The following CFAP69 variants were observed in gnomAD, a reference collection of about 807,000 sequenced individuals.
CFAP69 encodes the protein cilia- and flagella-associated protein 69.
CFAP69 carries 92 observed loss-of-function variants against 123.0 expected under a neutral mutation model. That is an observed-to-expected ratio of 0.75 (90% CI 0.63 to 0.89). The LOEUF (loss-of-function observed/expected upper bound fraction) is 0.89, where lower values mean the gene tolerates loss of function less well. Among genes scored for constraint, CFAP69 ranks in the 40% least tolerant of loss-of-function variants. CFAP69 has a pLI of 0.00. For missense variants in CFAP69, 1,067 were observed against 1,096.9 expected (o/e 0.97, Z 0.39); for synonymous variants, 380 against 364.3 (o/e 1.04, Z -0.49).
At chr7:90,290,188 A>T (rs1383085520) in intron 15 of CFAP69, among the ~76,000 whole-genome samples, 4 of 152,186 alleles carry the variant, frequency 2.6e-5, no homozygotes, top group African/African-American at 9.7e-5. Flanking sequence ...TATCATAAGG[A>T]ATTGGCTCAC....
chr7:90,315,264 A>G (rs1562939238), downstream of CFAP69, among the ~76,000 whole-genome samples: 1 of 152,190 alleles, frequency 6.6e-6, no homozygotes, highest in Non-Finnish European at 1.5e-5. Flanking sequence ...GTATATGCTC[A>G]GGGGAATATA....
intron 17 of CFAP69, chr7:90,303,447 G>A: frequency 1.9e-6 from 1 of 525,812 alleles, no homozygotes; most frequent in Non-Finnish European, 2.4e-6. Context: ...CTGTGGGTTT[G>A]TCATAGATGG....
intron 12 of CFAP69, 107 bp from the exon 13 acceptor site, chr7:90,282,785 G>T (rs1448494456): frequency 2.2e-6 from 2 of 929,362 alleles, no homozygotes; most frequent in Non-Finnish European, 2.9e-6. Flanking sequence ...AAGCAAATAT[G>T]ACAAAATTTT....
Position 90,287,781 on chromosome 7 carries a change from A to G in CFAP69, c.1657-453A>G, listed in dbSNP as rs182167119. 34 of 969,316 alleles carry G rather than the reference A, an allele frequency of 3.5e-5. No homozygotes were observed. In the African/African-American group the frequency reaches 4.7e-4, roughly 14 times the overall value. 60.0% of individuals were successfully genotyped at this position (969,316 alleles called of 1,614,324 possible). ...AGTAAGAGAAAAATATTAAGTGGTT[A>G]AAACTTCACAAAAATTATTAAATGT... On this transcript the variant is annotated intron_variant, in intron 14 of 22. Transcript: ENST00000389297.
At chr7:90,318,393 G>A in the CFAP69 span, 4 of 152,090 alleles carry the variant, frequency 2.6e-5, no homozygotes, top group South Asian at 8.3e-4. Flanking sequence ...ATAAAAATGA[G>A]AACATAAAAA....
intron 3 of CFAP69, among the ~76,000 whole-genome samples, chr7:90,259,268 G>T (rs1406691709): frequency 2.6e-5 from 4 of 152,050 alleles, no homozygotes; most frequent in African/African-American, 9.7e-5. Flanking sequence ...AAATAGCCAG[G>T]TGTGGTGGTG....
At chr7:90,268,147 C>A in intron 5 of CFAP69, 139 bp from the exon 6 acceptor site, 2 of 577,128 alleles carry the variant, frequency 3.5e-6, no homozygotes, top group Non-Finnish European at 6.0e-6. Context: ...TAAAAATATG[C>A]ATATAAATTG....
Position 90,310,813 on chromosome 7 carries a change from C to CCAGGG in CFAP69, c.*578_*579insGGCAG. The CCAGGG allele has an allele frequency of 6.6e-6, 1 of 152,166 alleles. No homozygotes were observed. The highest frequency in any genetic ancestry group is 2.1e-4 in the South Asian group (1 of 4,802). The allele number at this position is 152,166 out of a possible 1,614,324, so 9.4% of individuals were successfully genotyped here. A position where few individuals can be genotyped will look rare whatever the true frequency, so the allele number is the denominator to read the frequency against. On this transcript the variant is annotated 3_prime_UTR_variant, in exon 23 of 23. Transcript: ENST00000389297. ...GGCTGAGTACTGCCTATTCCTGGAGCCAGAAGCAGGGCAACTCCATCCAAA... is the reference window on the plus strand; with the variant it reads ...GGCTGAGTACTGCCTATTCCTGGAGCCAGGGCAGAAGCAGGGCAACTCCATCCAAA...
intron 4 of CFAP69, 68 bp from the exon 5 acceptor site, chr7:90,265,233 T>G: frequency 1.0e-6 from 1 of 965,940 alleles, no homozygotes; most frequent in Non-Finnish European, 1.6e-6. Flanking sequence ...TCTCCCCCAC[T>G]TACAAATGAT....
Position 90,288,142 on chromosome 7 carries a change from T to TA in CFAP69, c.1657-86dup, listed in dbSNP as rs1443808519. The TA allele has an allele frequency of 1.0e-5, 10 of 962,126 alleles. No individual in the cohort carries two copies. In the Admixed American group the frequency reaches 1.3e-4, roughly 13 times the overall value. 59.6% of individuals were successfully genotyped at this position (962,126 alleles called of 1,614,324 possible). A position where few individuals can be genotyped will look rare whatever the true frequency, so the allele number is the denominator to read the frequency against. On this transcript the variant is annotated intron_variant, in intron 14 of 22. Transcript: ENST00000389297. ...TAACAATGTTGCTGTATTTCTCTGG[T>TA]AAAAAAGCAATATTAGGGGACCGAT... is the stretch of plus-strand genomic sequence containing the variant.
At chr7:90,284,992 A>T (rs1790053113) in intron 13 of CFAP69, among the ~76,000 whole-genome samples, 1 of 152,210 alleles carries the variant, frequency 6.6e-6, no homozygotes, top group African/African-American at 2.4e-5. Flanking sequence ...AGAATGATCT[A>T]TAACAAGGAG....
At chr7:90,253,682 C>T (rs905531891) in intron 1 of CFAP69, among the ~76,000 whole-genome samples, 3 of 152,178 alleles carry the variant, frequency 2.0e-5, no homozygotes, top group South Asian at 4.1e-4. Flanking sequence ...TGAGCCATCA[C>T]GGCCGGCCTT....
At chr7:90,263,880 G>A (rs992239301) in intron 4 of CFAP69, among the ~76,000 whole-genome samples, 1 of 151,696 alleles carries the variant, frequency 6.6e-6, no homozygotes, top group Non-Finnish European at 1.5e-5. Context: ...CACGAGGTCA[G>A]GAGATGGAGA....
At chr7:90,314,640 G>T (rs1269924061), downstream of CFAP69, among the ~76,000 whole-genome samples, 3 of 151,262 alleles carry the variant, frequency 2.0e-5, no homozygotes, top group Admixed American at 6.6e-5. Context: ...AAAAAATGAT[G>T]AGAGGTATAT....
intron 15 of CFAP69, among the ~76,000 whole-genome samples, chr7:90,293,906 G>A (rs1328884848): frequency 6.6e-6 from 1 of 152,130 alleles, no homozygotes; most frequent in Admixed American, 6.6e-5. Context: ...AAGCATTAAG[G>A]GGGCCTAACG....
intron 2 of CFAP69, among the ~76,000 whole-genome samples, chr7:90,256,290 A>G (rs1205475274): frequency 2.0e-5 from 3 of 152,204 alleles, no homozygotes; most frequent in African/African-American, 7.2e-5. Context: ...AGAAATCCAA[A>G]CACTGCATGT....
chr7:90,248,006 A>C (rs1796540541), intron 1 of CFAP69, among the ~76,000 whole-genome samples: 1 of 152,224 alleles, frequency 6.6e-6, no homozygotes. Context: ...ACTAGAGCTC[A>C]TAAAGTTATT....
In CFAP69 at chr7:90,299,970, A is replaced by T. The variant is rs745685872; in HGVS notation, c.1961A>T (p.Asp654Val). The stretch of plus-strand genomic sequence containing the variant: ...GTCAATGCTTGGCAAGGGAAGAAGG[A>T]TCAGACAGCTGCTAGTCTTTTAATT... Reference protein sequence around the residue: ...AHVNAWQGKKDQTAASLLIKL... With the variant: ...AHVNAWQGKKVQTAASLLIKL... Residue 654 changes from aspartate (D) to valine (V), a missense_variant, in exon 17 of 23, where the codon GAT becomes GTT. Physicochemically the swap from Asp to Val is radical, Grantham distance 152. Transcript: ENST00000389297. 2 of 1,612,130 alleles carry T rather than the reference A, an allele frequency of 1.2e-6. No individual in the cohort carries two copies. The highest frequency in any genetic ancestry group is 2.2e-5 in the South Asian group (2 of 90,772).
chr7:90,314,862 G>C (rs17869409), downstream of CFAP69, among the ~76,000 whole-genome samples: 2,307 of 150,622 alleles, frequency 0.015, 76 homozygotes, highest in African/African-American at 0.053. Context: ...CAATGCTATC[G>C]CTCCCCCCCC....
Sources: allele counts gnomAD v4.1 joint callset (sites outside exome capture counted in the v4.1 genomes callset), GRCh38; gene constraint gnomAD v4.1.1; transcripts MANE v1.5; gene names NCBI Gene and HGNC (gene_info 2026-07-23, HGNC 2026-07-21).